Variants in MIR2052HG observed in about 807,000 individuals in gnomAD.
MIR2052HG encodes the protein MIR2052 host gene.
chr8:74,694,475 C>T (rs1368011501), intron 2 of MIR2052HG, among the ~76,000 whole-genome samples: 1 of 152,140 alleles, frequency 6.6e-6, no homozygotes, highest in Non-Finnish European at 1.5e-5. Flanking sequence ...TGAAAGACCA[C>T]ATAGCTCACC....
chr8:74,602,845 C>CTTTCTTTCTTTCT (rs1808032427), intron 1 of MIR2052HG, among the ~76,000 whole-genome samples: 6 of 141,606 alleles, frequency 4.2e-5, no homozygotes, highest in Non-Finnish European at 7.6e-5. Context: ...TTCTTTCTTT[C>CTTTCTTTCTTTCT]TTTCTTTCTT....
At chr8:74,633,199 T>C (rs1440402348) in intron 2 of MIR2052HG, 2 of 152,170 alleles carry the variant, frequency 1.3e-5, no homozygotes, top group Non-Finnish European at 2.9e-5. Flanking sequence ...GTTTTCTTTT[T>C]TGTTTTTTTG....
intron 4 of MIR2052HG, among the ~76,000 whole-genome samples, chr8:74,724,915 G>A (rs1247664890): frequency 6.6e-6 from 1 of 151,766 alleles, no homozygotes; most frequent in Non-Finnish European, 1.5e-5. Context: ...AATTCTGCTG[G>A]TAAGCACTAA....
At chr8:74,648,122 C>T (rs1808712922) in intron 2 of MIR2052HG, among the ~76,000 whole-genome samples, 1 of 152,216 alleles carries the variant, frequency 6.6e-6, no homozygotes, top group Non-Finnish European at 1.5e-5. Flanking sequence ...TTTTTCTTCT[C>T]CCAGAAAGCT....
chr8:74,680,731 A>G (rs1033567683), intron 2 of MIR2052HG, among the ~76,000 whole-genome samples: 1 of 152,178 alleles, frequency 6.6e-6, no homozygotes, highest in Non-Finnish European at 1.5e-5. Flanking sequence ...TCAAAGGACT[A>G]TAAATCATGC....
At chr8:74,689,104 T>G (rs951356293) in intron 2 of MIR2052HG, among the ~76,000 whole-genome samples, 1 of 152,226 alleles carries the variant, frequency 6.6e-6, no homozygotes, top group African/African-American at 2.4e-5. Context: ...GTTCTTTCTG[T>G]GCTGTGCAGA....
At chr8:74,697,912 G>T (rs542769530) in intron 2 of MIR2052HG, among the ~76,000 whole-genome samples, 1 of 152,300 alleles carries the variant, frequency 6.6e-6, no homozygotes, top group South Asian at 2.1e-4. Context: ...AATCAATATT[G>T]TGAAAATGAT....
At chr8:74,682,356 C>G (rs535623720) in intron 2 of MIR2052HG, among the ~76,000 whole-genome samples, 1 of 151,720 alleles carries the variant, frequency 6.6e-6, no homozygotes, top group African/African-American at 2.4e-5. Context: ...AAGACTAAAA[C>G]GTTAAAACCT....
At chr8:74,690,873 A>C (rs1272729790) in intron 2 of MIR2052HG, among the ~76,000 whole-genome samples, 1 of 151,956 alleles carries the variant, frequency 6.6e-6, no homozygotes, top group Non-Finnish European at 1.5e-5. Flanking sequence ...AAAGAGGCAA[A>C]AAGGACAAAG....
intron 4 of MIR2052HG, among the ~76,000 whole-genome samples, chr8:74,743,628 T>C (rs1809853983): frequency 6.6e-6 from 1 of 152,180 alleles, no homozygotes; most frequent in Non-Finnish European, 1.5e-5. Flanking sequence ...TGGGACTGTG[T>C]TGGAATAACC....
intron 2 of MIR2052HG, among the ~76,000 whole-genome samples, chr8:74,688,103 A>G (rs1235089281): frequency 6.6e-6 from 1 of 152,186 alleles, no homozygotes; most frequent in Non-Finnish European, 1.5e-5. Context: ...TCTTTATGTG[A>G]GTAGTCCTCA....
chr8:74,659,896 T>G (rs986825540), intron 2 of MIR2052HG, among the ~76,000 whole-genome samples: 1 of 152,250 alleles, frequency 6.6e-6, no homozygotes, highest in African/African-American at 2.4e-5. Flanking sequence ...TATTCATATT[T>G]TCTTCTATTT....
chr8:74,638,847 G>T (rs537120168), intron 2 of MIR2052HG, among the ~76,000 whole-genome samples: 1 of 152,244 alleles, frequency 6.6e-6, no homozygotes, highest in Non-Finnish European at 1.5e-5. Flanking sequence ...ATCAGGATAC[G>T]GATGAAATCG....
intron 1 of MIR2052HG, chr8:74,603,601 GC>G: frequency 6.5e-7 from 1 of 1,539,314 alleles, no homozygotes. Context: ...CTGTTGCATT[GC>G]CAACTGGTGC....
At chr8:74,691,172 G>C (rs1314431886) in intron 2 of MIR2052HG, among the ~76,000 whole-genome samples, 1 of 152,204 alleles carries the variant, frequency 6.6e-6, no homozygotes, top group Non-Finnish European at 1.5e-5. Flanking sequence ...AAGTGATTGA[G>C]AAAGGATTTG....
chr8:74,661,744 G>A (rs1038263268), intron 2 of MIR2052HG, among the ~76,000 whole-genome samples: 1 of 152,136 alleles, frequency 6.6e-6, no homozygotes, highest in African/African-American at 2.4e-5. Flanking sequence ...AGGGGAAATC[G>A]GATGCAGGTG....
chr8:74,648,664 A>G (rs1808719676), intron 2 of MIR2052HG, among the ~76,000 whole-genome samples: 1 of 152,068 alleles, frequency 6.6e-6, no homozygotes, highest in Non-Finnish European at 1.5e-5. Flanking sequence ...TATATCTCAG[A>G]CTGGCCGACA....
At chr8:74,614,926 C>T (rs986128933) in intron 2 of MIR2052HG, 1 of 151,456 alleles carries the variant, frequency 6.6e-6, no homozygotes, top group Non-Finnish European at 1.5e-5. Context: ...TTTTTAAGTT[C>T]CTCTTAAGAA....
chr8:74,633,959 G>A (rs573175097), intron 2 of MIR2052HG, among the ~76,000 whole-genome samples: 9 of 152,324 alleles, frequency 5.9e-5, no homozygotes, highest in African/African-American at 1.7e-4. Flanking sequence ...CACATTAGAT[G>A]TACCGAGCCT....
Sources: allele counts gnomAD v4.1 joint callset (sites outside exome capture counted in the v4.1 genomes callset), GRCh38; gene constraint gnomAD v4.1.1; transcripts MANE v1.5; gene names NCBI Gene and HGNC (gene_info 2026-07-23, HGNC 2026-07-21).